OTOGL: variants seen among roughly 807,000 people sequenced by gnomAD.
OTOGL encodes the protein otogelin-like protein.
Under a neutral mutation model 318.5 loss-of-function variants are expected in OTOGL, and 285 were observed. That is an observed-to-expected ratio of 0.89 (90% CI 0.81 to 0.99). The LOEUF (loss-of-function observed/expected upper bound fraction) is 0.99. Among genes scored for constraint, OTOGL ranks in the 50% least tolerant of loss-of-function variants. The pLI is 0.00. For missense variants in OTOGL, 2,899 were observed against 2,845.6 expected, an observed-to-expected ratio of 1.02 and a Z score of -0.43; for synonymous variants, 987 against 936.5, an observed-to-expected ratio of 1.05 and a Z score of -0.99.
At chr12:80,252,563 A>AAATC (rs1881668377) in intron 13 of OTOGL, among the ~76,000 whole-genome samples, 2 of 152,178 alleles carry the variant, frequency 1.3e-5, no homozygotes, top group Non-Finnish European at 2.9e-5. Flanking sequence ...TCTAGTACTG[A>AAATC]TGTAGTTTTA....
chr12:80,170,728 C>G (rs541730843), intron 1 of OTOGL, among the ~76,000 whole-genome samples: 4 of 152,060 alleles, frequency 2.6e-5, no homozygotes, highest in Non-Finnish European at 5.9e-5. Context: ...GCCACTGTGC[C>G]CAGCCTTCTT....
chr12:80,143,526 T>C (rs550253175), intron 1 of OTOGL, among the ~76,000 whole-genome samples: 1 of 152,234 alleles, frequency 6.6e-6, no homozygotes, highest in South Asian at 2.1e-4. Flanking sequence ...CCATTTTTCA[T>C]GGTTTGTTTT....
rs1288290615 is a variant in OTOGL at position 80,251,761 on chromosome 12, A to C, written c.1121A>C (p.Tyr374Ser). 2.5e-6 allele frequency: 4 copies of C among 1,589,692 alleles called. No homozygotes were observed. The highest frequency in any genetic ancestry group is 3.4e-6 in the Non-Finnish European group (4 of 1,167,022). ...GCTAGAGCCTGCTCTCATGCTGGCT[A>C]CCCTATTCAAGACTGGAGAGATGAC... ...EYARACSHAGYPIQDWRDDFP... is the reference protein window; with the variant it reads ...EYARACSHAGSPIQDWRDDFP... The change falls in exon 12 of 59, where the codon TAC becomes TCC. Residue 374 changes from tyrosine to serine, a missense_variant. Tyr to Ser is a moderately radical substitution (Grantham distance 144). Transcript: ENST00000547103.
At chr12:80,251,547 A>G (rs1403321181) in intron 11 of OTOGL, 146 bp from the exon 12 acceptor site, 1 of 570,202 alleles carries the variant, frequency 1.8e-6, no homozygotes, top group Non-Finnish European at 3.0e-6. Context: ...ACTTAATAAG[A>G]TATATTATGA....
At chr12:80,323,964 A>G (rs1887519861) in intron 35 of OTOGL, 124 bp downstream of exon 35, 1 of 716,220 alleles carries the variant, frequency 1.4e-6, no homozygotes, top group East Asian at 2.7e-5. Flanking sequence ...TTCTTTCATG[A>G]TATTAATTTC....
At chr12:80,101,321 C>G (rs1385505023) in intron 1 of OTOGL, among the ~76,000 whole-genome samples, 3 of 152,064 alleles carry the variant, frequency 2.0e-5, no homozygotes, top group Non-Finnish European at 4.4e-5. Context: ...GAATATGTAT[C>G]CAGTTTTTTA....
In OTOGL at chr12:80,339,072, T is replaced by TAGGTAGA. The variant is rs1888585117; in HGVS notation, c.4861_4867dup. Reference sequence around the variant, plus strand: ...CTTAACAGGTGTATTTATGTTATTCTAGGTAGAAGTGGATTCCATTGTTGT... The same window carrying TAGGTAGA: ...CTTAACAGGTGTATTTATGTTATTCTAGGTAGAAGGTAGAAGTGGATTCCATTGTTGT... On this transcript the variant is annotated splice_polypyrimidine_tract_variant and splice_region_variant and intron_variant, in intron 42 of 58. Coordinates refer to ENST00000547103, the MANE Select transcript of OTOGL (RefSeq NM_001378609.3). 6.3e-7 allele frequency: 1 copy of TAGGTAGA among 1,591,784 alleles called. No homozygotes were observed. Among genetic ancestry groups the TAGGTAGA allele is most frequent in the Admixed American group, 1.7e-5 (1 of 58,410 alleles).
intron 39 of OTOGL, 62 bp from the exon 40 acceptor site, chr12:80,336,351 G>A: frequency 6.9e-7 from 1 of 1,459,090 alleles, no homozygotes; most frequent in Non-Finnish European, 9.1e-7. Flanking sequence ...TTTTAAAAGA[G>A]CAATTATTAC....
In OTOGL at chr12:80,297,095, G is replaced by T. The variant is rs1885454441; in HGVS notation, c.3063+134G>T. Reference sequence around the variant, plus strand: ...GTTGTGTTTTGTTTTCATTTTGCGTGGCTTCAGTACATTGTGCTTGACTTC... The same window carrying T: ...GTTGTGTTTTGTTTTCATTTTGCGTTGCTTCAGTACATTGTGCTTGACTTC... On this transcript the variant is annotated intron_variant, in intron 27 of 58. Coordinates refer to ENST00000547103, the MANE Select transcript of OTOGL (RefSeq NM_001378609.3). The T allele has an allele frequency of 3.7e-5, 29 of 779,098 alleles. No individual in the cohort carries two copies. The South Asian group carries it at 9.1e-4, about 25-fold the overall frequency. 48.3% of individuals were successfully genotyped at this position (779,098 alleles called of 1,614,324 possible).
intron 27 of OTOGL, among the ~76,000 whole-genome samples, chr12:80,298,603 G>A (rs1387608962): frequency 6.6e-6 from 1 of 152,184 alleles, no homozygotes; most frequent in Non-Finnish European, 1.5e-5. Context: ...GTAGGCATTA[G>A]CCAGGTGAAG....
intron 39 of OTOGL, 41 bp from the exon 40 acceptor site, chr12:80,336,372 G>A: frequency 1.3e-6 from 2 of 1,521,590 alleles, no homozygotes; most frequent in Admixed American, 2.3e-5. Flanking sequence ...TGAAAATGCA[G>A]ATAGTTAATA....
chr12:80,112,710 T>C lies in OTOGL; in HGVS notation c.-20+13105T>C, dbSNP rs917523386. Among the ~76,000 whole-genome samples the C allele has an allele frequency of 6.3e-5, 8 of 126,054 alleles. 1 individual carries two copies. The highest frequency in any genetic ancestry group is 4.0e-4 in the East Asian group (2 of 4,952). The allele number at this position is 126,054 out of a possible 152,430, so 82.7% of individuals were successfully genotyped here. A position where few individuals can be genotyped will look rare whatever the true frequency, so the allele number is the denominator to read the frequency against. ...GGATATTTGCCTGAAATTTTCTTTCTTTTTTTTTTTTTTGTTGTGTCTCTG... is the reference window on the plus strand; with the variant it reads ...GGATATTTGCCTGAAATTTTCTTTCCTTTTTTTTTTTTTGTTGTGTCTCTG... On this transcript the variant is annotated intron_variant, in intron 1 of 58. Transcript: ENST00000547103.
chr12:80,130,610 A>T (rs542291491), intron 1 of OTOGL, among the ~76,000 whole-genome samples: 1 of 152,274 alleles, frequency 6.6e-6, no homozygotes, highest in Admixed American at 6.5e-5. Flanking sequence ...TGGGGATGAG[A>T]AGGGAGTGGC....
At chr12:80,322,809 T>C (rs961395953) in intron 34 of OTOGL, among the ~76,000 whole-genome samples, 7 of 152,178 alleles carry the variant, frequency 4.6e-5, no homozygotes, top group Non-Finnish European at 1.0e-4. Flanking sequence ...ACAATACTTA[T>C]CTGGTACAAG....
At chr12:80,209,147 G>A (rs1417052914) in intron 1 of OTOGL, among the ~76,000 whole-genome samples, 1 of 152,062 alleles carries the variant, frequency 6.6e-6, no homozygotes, top group Non-Finnish European at 1.5e-5. Context: ...GTTGATATAG[G>A]CTAAAAAGGC....
At position 80,336,781 on chromosome 12, in the gene OTOGL, CT is replaced by C. The variant is rs11300714; in HGVS notation, c.4744-5del. The C allele has an allele frequency of 0.26, 290,772 of 1,133,276 alleles. 22,107 individuals carry two copies. The highest frequency in any genetic ancestry group is 0.29 in the South Asian group (17,315 of 59,744). The allele number at this position is 1,133,276 out of a possible 1,614,324, so 70.2% of individuals were successfully genotyped here. ...TCAAATAATGCATTTAAAAGTATTT[CT>C]TTTTTTTTTTCCAGAATGGAAACTC... On this transcript the variant is annotated splice_polypyrimidine_tract_variant and intron_variant, in intron 40 of 58. Transcript: ENST00000547103.
In OTOGL at chr12:80,379,253, G is replaced by C. The variant is rs1891339504; in HGVS notation, c.*1205G>C. 1 of 151,976 alleles carries C rather than the reference G, an allele frequency of 6.6e-6. No individual in the cohort carries two copies. Among genetic ancestry groups the C allele is most frequent in the South Asian group, 2.1e-4 (1 of 4,836 alleles). 9.4% of individuals were successfully genotyped at this position (151,976 alleles called of 1,614,324 possible). A position where few individuals can be genotyped will look rare whatever the true frequency, so the allele number is the denominator to read the frequency against. On this transcript the variant is annotated 3_prime_UTR_variant, in exon 59 of 59. Transcript: ENST00000547103. ...AGTGAATGCCCTACTTAGTGTAATT[G>C]TATCAAGTGAAGTCAAACATCAACA...
Position 80,368,217 on chromosome 12 carries a change from A to T in OTOGL, c.6523A>T (p.Thr2175Ser), listed in dbSNP as rs1460713758. Reference sequence around the variant, plus strand: ...TCATTATATGCAGCACCAGGTATATACTCCATCCCCAAGTGATTATGGTTG... The same window carrying T: ...TCATTATATGCAGCACCAGGTATATTCTCCATCCCCAAGTGATTATGGTTG... ...SKKCDVHQVY[T>S]PSPSDYGCCG... The change falls in exon 55 of 59, where the codon ACT (threonine) becomes TCT (serine). Residue 2175 changes from threonine (T) to serine (S), a missense_variant. Thr to Ser is a moderately conservative substitution (Grantham distance 58, BLOSUM62 1). Transcript: ENST00000547103. 1 of 1,597,042 alleles carries T rather than the reference A, an allele frequency of 6.3e-7. No homozygotes were observed. Among genetic ancestry groups the T allele is most frequent in the Admixed American group, 1.7e-5 (1 of 58,336 alleles).
At chr12:80,139,778 G>C (rs193240267) in intron 1 of OTOGL, among the ~76,000 whole-genome samples, 3 of 152,224 alleles carry the variant, frequency 2.0e-5, no homozygotes, top group Admixed American at 1.3e-4. Flanking sequence ...CTTTAGGAAG[G>C]CTGCCTTTAG....
Sources: allele counts gnomAD v4.1 joint callset (sites outside exome capture counted in the v4.1 genomes callset), GRCh38; gene constraint gnomAD v4.1.1; transcripts MANE v1.5; gene names NCBI Gene and HGNC (gene_info 2026-07-23, HGNC 2026-07-21).